Variants in CPSF3 observed in about 807,000 individuals in gnomAD.
The protein encoded by CPSF3 is cleavage and polyadenylation specificity factor subunit 3.
A neutral mutation model predicts 84.1 loss-of-function variants in CPSF3; 57 were observed. The ratio of observed to expected loss-of-function variants is 0.68; its 90% confidence interval spans 0.55 to 0.85. The LOEUF (loss-of-function observed/expected upper bound fraction) is 0.85. CPSF3 is among the 40% of genes least tolerant of loss of function. The pLI is 0.00. For synonymous variants in CPSF3, 275 were observed against 278.1 expected (o/e 0.99, Z 0.11); for missense variants, 522 against 838.8 (o/e 0.62, Z 4.66).
Position 9,467,711 on chromosome 2 carries a change from A to G in CPSF3, c.1791A>G (p.Ala597=), listed in dbSNP as rs138432958. The change falls in exon 16 of 18, where the codon GCA becomes GCG. Residue 597 remains alanine (A), a synonymous_variant. Transcript: ENST00000238112. ...TGTCGCTTTTTTTTTTCCCAGGTGC[A>G]GTACAGAAGGTTTCTAAAAAATTAG... ...VQSNPKIRKG[A]VQKVSKKLEM... is the part of the protein sequence containing the mutation. 1.2e-4 allele frequency: 193 copies of G among 1,605,008 alleles called. No homozygotes were observed. The African/African-American group carries it at 2.4e-3, about 20-fold the overall frequency.
At chr2:9,429,568 C>G (rs1472500308) in intron 2 of CPSF3, among the ~76,000 whole-genome samples, 1 of 152,138 alleles carries the variant, frequency 6.6e-6, no homozygotes, top group Non-Finnish European at 1.5e-5. Context: ...TATCTTCTCA[C>G]GAGAGTCGAT....
chr2:9,455,616 T>C (rs2124849324), intron 12 of CPSF3, 43 bp from the exon 13 acceptor site: 1 of 1,344,336 alleles, frequency 7.4e-7, no homozygotes, highest in South Asian at 1.2e-5. Flanking sequence ...ATGTGTTTTG[T>C]AGGACTAGTA....
At chr2:9,441,541 A>G (rs1680960342) in intron 8 of CPSF3, among the ~76,000 whole-genome samples, 2 of 152,234 alleles carry the variant, frequency 1.3e-5, no homozygotes, top group Admixed American at 1.3e-4. Context: ...CTAGGCGCTG[A>G]AGATGGTCCT....
At chr2:9,465,871 GGT>G (rs143920543) in intron 15 of CPSF3, among the ~76,000 whole-genome samples, 270 of 151,272 alleles carry the variant, frequency 1.8e-3, no homozygotes, top group African/African-American at 5.7e-3. Context: ...ATATATATGG[GGT>G]GTGTGTGTGT....
chr2:9,434,749 T>C (rs1179738696), intron 6 of CPSF3, among the ~76,000 whole-genome samples: 1 of 152,170 alleles, frequency 6.6e-6, no homozygotes, highest in Non-Finnish European at 1.5e-5. Context: ...GTACAGAAGC[T>C]CTTTGGGGGC....
At chr2:9,444,597 A>G (rs1681067895) in intron 10 of CPSF3, among the ~76,000 whole-genome samples, 1 of 152,110 alleles carries the variant, frequency 6.6e-6, no homozygotes, top group Non-Finnish European at 1.5e-5. Context: ...AATGTATTGG[A>G]AAGCAGGAGA....
chr2:9,455,593 C>CT, intron 12 of CPSF3, 66 bp from the exon 13 acceptor site: 1 of 1,116,436 alleles, frequency 9.0e-7, no homozygotes, highest in Non-Finnish European at 1.3e-6. Flanking sequence ...TTTCTTTTTT[C>CT]TTTGCTCCTG....
chr2:9,452,646 G>A (rs114705367), intron 11 of CPSF3, among the ~76,000 whole-genome samples: 84 of 152,256 alleles, frequency 5.5e-4, no homozygotes, highest in African/African-American at 1.9e-3. Flanking sequence ...CTTAAGCCCC[G>A]GCACCTAGTA....
chr2:9,434,935 G>A (rs1215384497), intron 6 of CPSF3, among the ~76,000 whole-genome samples: 1 of 152,222 alleles, frequency 6.6e-6, no homozygotes, highest in East Asian at 1.9e-4. Context: ...AGTACATACT[G>A]CTGTCCATAA....
chr2:9,466,295 C>T (rs184357279), intron 15 of CPSF3, among the ~76,000 whole-genome samples: 3 of 126,076 alleles, frequency 2.4e-5, no homozygotes, highest in Admixed American at 1.5e-4. Flanking sequence ...CGCACACAGA[C>T]GCATGCACAC....
In CPSF3 at chr2:9,433,506, C is replaced by T. The variant is rs566439049; in HGVS notation, c.520-365C>T. On this transcript the variant is annotated intron_variant, in intron 5 of 17. Coordinates refer to ENST00000238112, the MANE Select transcript of CPSF3 (RefSeq NM_016207.4). ...AATTCTCTTGGAATTTGATGCAGAC[C>T]CTCTTATGATTTTATCTCCGGTTTT... is the stretch of plus-strand genomic sequence containing the variant. 2.0e-5 allele frequency among the ~76,000 whole-genome samples: 3 copies of T among 152,208 alleles called. No individual in the cohort carries two copies. The South Asian group carries it at 6.2e-4, about 32-fold the overall frequency.
chr2:9,470,692 G>A (rs58461396), intron 16 of CPSF3, among the ~76,000 whole-genome samples: 10,526 of 152,170 alleles, frequency 0.069, 1,249 homozygotes, highest in African/African-American at 0.24. Flanking sequence ...TTTGAATGCC[G>A]GCTCAGCTGT....
At chr2:9,427,450 A>T (rs1487035361) in intron 1 of CPSF3, among the ~76,000 whole-genome samples, 7 of 152,358 alleles carry the variant, frequency 4.6e-5, no homozygotes, top group South Asian at 4.1e-4. Context: ...AAAATAGTTG[A>T]TATGGAAATG....
In CPSF3 at chr2:9,436,300, A is replaced by T. The variant is rs746336337; in HGVS notation, c.699A>T (p.Gly233=). ...CNTVHDIVNR[G]GRGLIPVFAL... is the part of the protein sequence containing the mutation. ...CTGTCCACGATATTGTAAACAGAGG[A>T]GGCAGGGGTCTCATTCCTGTCTTTG... The change falls in exon 7 of 18, where the codon GGA becomes GGT. Residue 233 remains glycine (G), a synonymous_variant. Transcript: ENST00000238112. 6.2e-7 allele frequency: 1 copy of T among 1,613,972 alleles called. No individual in the cohort carries two copies. Among genetic ancestry groups the T allele is most frequent in the South Asian group, 1.1e-5 (1 of 91,060 alleles).
intron 15 of CPSF3, among the ~76,000 whole-genome samples, chr2:9,466,420 A>G (rs1006109969): frequency 3.5e-5 from 5 of 142,012 alleles, no homozygotes; most frequent in Non-Finnish European, 6.0e-5. Flanking sequence ...ACACACGCAC[A>G]CGCGCACACA....
chr2:9,423,919 T>C (rs1680220219), intron 1 of CPSF3, 96 bp downstream of exon 1: 2 of 1,536,438 alleles, frequency 1.3e-6, no homozygotes, highest in East Asian at 2.4e-5. Context: ...CGCTCCCACC[T>C]ACCCCGGCAG....
chr2:9,445,205 T>C (rs919414173), intron 10 of CPSF3, among the ~76,000 whole-genome samples: 2 of 152,198 alleles, frequency 1.3e-5, no homozygotes, highest in African/African-American at 4.8e-5. Context: ...ACTTTCTGTT[T>C]CTATGAATTT....
chr2:9,457,007 C>G lies in CPSF3; in HGVS notation c.1678C>G (p.Pro560Ala), dbSNP rs1413855844. Residue 560 changes from proline (P) to alanine (A), a missense_variant, in exon 14 of 18, where the codon CCA becomes GCA. Transcript: ENST00000238112. ...VFKNITVIQE[P>A]GMVVLEWLAN... ...CAAAAATATTACTGTAATACAAGAA[C>G]CAGGCATGGTGGTATTAGAAGTAAG... 3 of 1,595,300 alleles carry G rather than the reference C, an allele frequency of 1.9e-6. No individual in the cohort carries two copies. The highest frequency in any genetic ancestry group is 2.6e-6 in the Non-Finnish European group (3 of 1,168,404).
chr2:9,468,625 T>G (rs1049489399), intron 16 of CPSF3, among the ~76,000 whole-genome samples: 3 of 52,188 alleles, frequency 5.7e-5, no homozygotes, highest in Non-Finnish European at 1.3e-4. Context: ...TGACCTTTTT[T>G]TTTTTTTTTT....
Sources: allele counts gnomAD v4.1 joint callset (sites outside exome capture counted in the v4.1 genomes callset), GRCh38; gene constraint gnomAD v4.1.1; transcripts MANE v1.5; gene names NCBI Gene and HGNC (gene_info 2026-07-23, HGNC 2026-07-21).